CERKL: variants seen among roughly 807,000 people sequenced by gnomAD.
CERKL encodes ceramide kinase-like protein.
In CERKL, 61 loss-of-function variants were observed where a neutral mutation model predicts 63.4. The observed-to-expected ratio is 0.96, with a 90% CI of 0.78 to 1.19. The LOEUF is 1.19. Among genes scored for constraint, CERKL ranks in the 50% most tolerant of loss-of-function variants. The pLI is 0.00. For synonymous variants in CERKL, 250 were observed against 230.5 expected, an observed-to-expected ratio of 1.08 and a Z score of -0.77; for missense variants, 675 against 655.5, an observed-to-expected ratio of 1.03 and a Z score of -0.33.
intron 2 of CERKL, 186 bp downstream of exon 2, chr2:181,603,651 T>C (rs181421131): frequency 2.3e-4 from 158 of 696,706 alleles, no homozygotes; most frequent in African/African-American, 2.1e-3. Flanking sequence ...TAGGGAAAAA[T>C]ATGATTATCT....
At chr2:181,632,826 T>C (rs77255444) in intron 1 of CERKL, among the ~76,000 whole-genome samples, 6,690 of 152,234 alleles carry the variant, frequency 0.044, 459 homozygotes, top group African/African-American at 0.15. Context: ...GTAAATGGCC[T>C]GCTCCTCAGG....
At position 181,550,664 on chromosome 2, in the gene CERKL, C is replaced by T. The variant is rs947292508; in HGVS notation, c.821-956G>A. On this transcript the variant is annotated intron_variant, in intron 5 of 12. Coordinates refer to ENST00000410087, the MANE Select transcript of CERKL (RefSeq NM_201548.5). This position sits in a 1 kb window ranked among gnomAD's most constrained non-coding sequence, Gnocchi z 4.5. ...TGGATTTTGTTAATCAGAAGCATTC[C>T]TATGTGATCATACATAATTGCTTCA... 6.6e-6 allele frequency among the ~76,000 whole-genome samples: 1 copy of T among 152,054 alleles called. No individual in the cohort carries two copies. Among genetic ancestry groups the T allele is most frequent in the Admixed American group, 6.6e-5 (1 of 15,248 alleles).
At chr2:181,624,081 G>A (rs189644272) in intron 1 of CERKL, among the ~76,000 whole-genome samples, 10 of 152,258 alleles carry the variant, frequency 6.6e-5, no homozygotes, top group African/African-American at 2.4e-4. Flanking sequence ...GTAAGATGTG[G>A]CTGGTGCTAG....
At chr2:181,636,133 A>C (rs1165503358) in intron 1 of CERKL, among the ~76,000 whole-genome samples, 1 of 152,172 alleles carries the variant, frequency 6.6e-6, no homozygotes, top group Non-Finnish European at 1.5e-5. Flanking sequence ...TTCTGTTTAC[A>C]TATTTTGCTA....
chr2:181,653,608 G>C (rs1024347209), intron 1 of CERKL, among the ~76,000 whole-genome samples: 3 of 152,202 alleles, frequency 2.0e-5, no homozygotes, highest in Admixed American at 1.3e-4. Flanking sequence ...TGAATGCTAA[G>C]CCTGGAGGAC....
At chr2:181,547,977 A>G (rs1343116580) in intron 8 of CERKL, 130 bp from the exon 9 acceptor site, 3 of 857,842 alleles carry the variant, frequency 3.5e-6, no homozygotes, top group African/African-American at 2.3e-5. Flanking sequence ...ACTTTCTTCA[A>G]TTAGATAGTA....
intron 5 of CERKL, among the ~76,000 whole-genome samples, chr2:181,552,486 C>T (rs1688028931): frequency 6.6e-6 from 1 of 152,148 alleles, no homozygotes; most frequent in African/African-American, 2.4e-5. Flanking sequence ...CCTTGCTTCT[C>T]CTTTGCCTTC....
chr2:181,621,914 A>G (rs147169663), intron 1 of CERKL, among the ~76,000 whole-genome samples: 4 of 152,318 alleles, frequency 2.6e-5, no homozygotes, highest in African/African-American at 4.8e-5. Flanking sequence ...GTAAGAAGTC[A>G]CAGGATTAAA....
intron 11 of CERKL, among the ~76,000 whole-genome samples, chr2:181,543,295 A>G (rs1687587486): frequency 1.3e-5 from 2 of 152,222 alleles, no homozygotes; most frequent in South Asian, 4.1e-4. Context: ...GAAATTTATT[A>G]AAATGTGAAA....
chr2:181,573,113 A>G (rs1688979647), intron 3 of CERKL, among the ~76,000 whole-genome samples: 1 of 152,158 alleles, frequency 6.6e-6, no homozygotes, highest in Non-Finnish European at 1.5e-5. Flanking sequence ...TCCCCACCAT[A>G]CGAAAATAAG....
chr2:181,641,649 G>A (rs1687447536), intron 1 of CERKL, among the ~76,000 whole-genome samples: 1 of 152,088 alleles, frequency 6.6e-6, no homozygotes, highest in Non-Finnish European at 1.5e-5. Context: ...AGACTAAAAT[G>A]AAAACTTGGG....
chr2:181,625,722 A>C (rs890258162), intron 1 of CERKL, among the ~76,000 whole-genome samples: 1 of 152,156 alleles, frequency 6.6e-6, no homozygotes, highest in Non-Finnish European at 1.5e-5. Flanking sequence ...TTTGAGCCTG[A>C]CGGGTCATTC....
At chr2:181,587,538 A>G (rs528006713) in intron 2 of CERKL, among the ~76,000 whole-genome samples, 2 of 152,266 alleles carry the variant, frequency 1.3e-5, no homozygotes, top group South Asian at 2.1e-4. Context: ...CTATTTAACT[A>G]TATCACTTTT....
rs112540415 is a variant in CERKL, at chr2:181,625,380, T to A, written c.239-21301A>T. On this transcript the variant is annotated intron_variant, in intron 1 of 12. Transcript: ENST00000410087. ...GGGTGGGGTGAGCAAAAAAAAAAAA[T>A]AAATGGGACCAGGTGCTCTACAAAG... is the stretch of plus-strand genomic sequence containing the variant. Among the ~76,000 whole-genome samples, 457 of 150,406 alleles carry A rather than the reference T, an allele frequency of 3.0e-3. 1 individual carries two copies. The highest frequency in any genetic ancestry group is 0.01 in the African/African-American group (419 of 40,958).
chr2:181,564,124 G>A (rs1275033882), intron 4 of CERKL, among the ~76,000 whole-genome samples: 2 of 152,100 alleles, frequency 1.3e-5, no homozygotes, highest in Non-Finnish European at 2.9e-5. Flanking sequence ...AATAGGGTTC[G>A]CACTCCTGTG....
chr2:181,645,221 G>A (rs1378222938), intron 1 of CERKL, among the ~76,000 whole-genome samples: 1 of 152,144 alleles, frequency 6.6e-6, no homozygotes, highest in East Asian at 1.9e-4. Context: ...GGGGAATACT[G>A]CCTTTGTAGT....
At position 181,588,006 on chromosome 2, in the gene CERKL, G is replaced by A. The variant is rs575598993; in HGVS notation, c.482-14122C>T. 4.9e-4 allele frequency among the ~76,000 whole-genome samples: 75 copies of A among 152,206 alleles called. 1 individual carries two copies. The South Asian group carries it at 0.012, about 25-fold the overall frequency. On this transcript the variant is annotated intron_variant, in intron 2 of 12. Transcript: ENST00000410087. The stretch of plus-strand genomic sequence containing the variant: ...TAAAATTTTTAATTAAAAATAAACT[G>A]TATATTTATCATGTACATCATGTTG...
chr2:181,647,574 C>T (rs1687725962), intron 1 of CERKL, among the ~76,000 whole-genome samples: 1 of 152,112 alleles, frequency 6.6e-6, no homozygotes, highest in Non-Finnish European at 1.5e-5. Context: ...AAACCAAAGC[C>T]AATGTACCAT....
chr2:181,641,241 A>T (rs1449940869), intron 1 of CERKL, among the ~76,000 whole-genome samples: 2 of 150,460 alleles, frequency 1.3e-5, no homozygotes, highest in African/African-American at 4.9e-5. Flanking sequence ...CATAATAAAA[A>T]TATTTTTTGT....
Sources: gnomAD v4.1 joint callset for allele counts (sites outside exome capture counted in the v4.1 genomes callset) on GRCh38, gnomAD v4.1.1 for gene constraint, Gnocchi (gnomAD v3.1) non-coding constraint, MANE v1.5 for transcripts, NCBI Gene and HGNC (gene_info 2026-07-23, HGNC 2026-07-21) for gene names.